VWA5B1: variants seen among roughly 807,000 people sequenced by gnomAD.
VWA5B1 encodes the protein von Willebrand factor A domain containing 5B1.
A neutral mutation model predicts 118.2 loss-of-function variants in VWA5B1; 115 were observed. The ratio of observed to expected loss-of-function variants is 0.97; its 90% CI spans 0.84 to 1.14. The LOEUF (loss-of-function observed/expected upper bound fraction) is 1.14, where lower values mean the gene tolerates loss of function less well. VWA5B1 is among the 50% of genes most tolerant of loss of function. The pLI, the probability that VWA5B1 is intolerant of heterozygous loss-of-function variation, is 0.00. For synonymous variants in VWA5B1, 682 were observed against 658.4 expected (o/e 1.04, Z -0.55); for missense variants, 1,596 against 1,603.8 (o/e 1.00, Z 0.08).
At chr1:20,292,084 CT>C (rs1557822521) in intron 1 of VWA5B1, among the ~76,000 whole-genome samples, 1 of 152,060 alleles carries the variant, frequency 6.6e-6, no homozygotes, top group South Asian at 2.1e-4. Context: ...TTCTCTCTTT[CT>C]TTTTTCTTTT....
At chr1:20,315,659 A>T (rs963489627) in intron 4 of VWA5B1, among the ~76,000 whole-genome samples, 3 of 152,224 alleles carry the variant, frequency 2.0e-5, no homozygotes, top group Non-Finnish European at 4.4e-5. Flanking sequence ...GGAGAGTCAC[A>T]AGTGCAAAGG....
chr1:20,307,977 C>T (rs937435305), intron 1 of VWA5B1, among the ~76,000 whole-genome samples: 1 of 151,778 alleles, frequency 6.6e-6, no homozygotes, highest in African/African-American at 2.4e-5. Flanking sequence ...TCCCGTCACC[C>T]AGGTAGTTAG....
rs2090141790 is a variant in VWA5B1 at position 20,352,125 on chromosome 1, GC to G, written c.3095del (p.Ala1032ValfsTer186). The stretch of plus-strand genomic sequence containing the variant: ...CTTCCTGAGCAAGCCACTGATCAAA[GC>G]TGTGGAGTCGACCTCCGGGAACCAG... ...KGFLSKPLIK[A>X]VESTSGNQSF... On this transcript the variant is annotated frameshift_variant, in exon 21 of 22. Transcript: ENST00000289815. LOFTEE classifies it low-confidence loss of function (END_TRUNC). 1.3e-6 allele frequency: 2 copies of G among 1,551,478 alleles called. No individual in the cohort carries two copies. The highest frequency in any genetic ancestry group is 1.4e-5 in the African/African-American group (1 of 73,158).
At chr1:20,322,402 A>AAGGGG (rs1371547242) in intron 7 of VWA5B1, among the ~76,000 whole-genome samples, 2 of 152,118 alleles carry the variant, frequency 1.3e-5, no homozygotes, top group Non-Finnish European at 2.9e-5. Context: ...ATTCTGTGTG[A>AAGGGG]AGGGGAGGGG....
rs1044888186 is a variant in VWA5B1, at chr1:20,330,971, G to T, written c.1560G>T (p.Arg520=). 6.5e-7 allele frequency: 1 copy of T among 1,548,392 alleles called. No homozygotes were observed. The highest frequency in any genetic ancestry group is 1.4e-5 in the African/African-American group (1 of 72,986). Residue 520 remains arginine (R), a synonymous_variant, in exon 11 of 22, where the codon CGG becomes CGT. Transcript: ENST00000289815. ...CTGAGCTCCTGATGGAGGGGGAGCG[G>T]CTGCAACCCAAGGTAGGCAGCAGAA... ...GSAELLMEGE[R]LQPKMVKSLK...
intron 12 of VWA5B1, among the ~76,000 whole-genome samples, chr1:20,334,626 C>G (rs2089663287): frequency 6.6e-6 from 1 of 152,076 alleles, no homozygotes; most frequent in African/African-American, 2.4e-5. Flanking sequence ...GCCTGGCCAA[C>G]ATGGTGAAAC....
chr1:20,294,761 G>A (rs147125102), intron 1 of VWA5B1, among the ~76,000 whole-genome samples: 2,281 of 152,028 alleles, frequency 0.015, 65 homozygotes, highest in African/African-American at 0.052. Flanking sequence ...GGCTAATTTT[G>A]TATTTTTAGT....
At chr1:20,308,128 T>C (rs894011231) in intron 1 of VWA5B1, among the ~76,000 whole-genome samples, 1 of 151,846 alleles carries the variant, frequency 6.6e-6, no homozygotes, top group Non-Finnish European at 1.5e-5. Context: ...GAACATGGGG[T>C]TTTTGGTTTT....
rs796413185 is a variant in VWA5B1, at chr1:20,359,111, G to A, written c.*4848G>A. Among the ~76,000 whole-genome samples, 7 of 152,310 alleles carry A rather than the reference G, an allele frequency of 4.6e-5. No individual in the cohort carries two copies. The highest frequency in any genetic ancestry group is 7.2e-5 in the African/African-American group (3 of 41,560). ...CCAGCCGTTTTGAGCTTACAGCCAC[G>A]TCCCAACGCAATGCGCCTCATCTCA... On this transcript the variant is annotated 3_prime_UTR_variant, in exon 22 of 22. Coordinates refer to ENST00000289815, the MANE Select transcript of VWA5B1 (RefSeq NM_001039500.3).
intron 1 of VWA5B1, among the ~76,000 whole-genome samples, chr1:20,299,114 TG>T (rs1396720264): frequency 6.6e-6 from 1 of 152,220 alleles, no homozygotes; most frequent in Non-Finnish European, 1.5e-5. Flanking sequence ...CTTAGCACAG[TG>T]CCTACGACCC....
chr1:20,323,614 A>G (rs1005979042), intron 8 of VWA5B1, 82 bp downstream of exon 8: 73 of 1,268,998 alleles, frequency 5.8e-5, no homozygotes, highest in Non-Finnish European at 6.9e-5. Context: ...CTTCCTCAGC[A>G]CTTTCTGTTC....
chr1:20,324,552 C>T (rs1160742255), intron 8 of VWA5B1, among the ~76,000 whole-genome samples: 3 of 152,122 alleles, frequency 2.0e-5, no homozygotes, highest in Non-Finnish European at 4.4e-5. Context: ...CATAAAAAGC[C>T]TTCTATCTCT....
At chr1:20,291,652 G>T (rs1293963262) in intron 1 of VWA5B1, among the ~76,000 whole-genome samples, 2 of 151,994 alleles carry the variant, frequency 1.3e-5, no homozygotes, top group Admixed American at 1.3e-4. Context: ...AGCTCTGCAG[G>T]GTGCCCACCC....
intron 9 of VWA5B1, among the ~76,000 whole-genome samples, chr1:20,329,842 C>T (rs1486381188): frequency 5.9e-5 from 9 of 152,202 alleles, no homozygotes; most frequent in Non-Finnish European, 1.2e-4. Flanking sequence ...TGCTCTTTCC[C>T]TCACACCACC....
At position 20,336,367 on chromosome 1, in the gene VWA5B1, C is replaced by A; in HGVS notation, c.1823C>A (p.Ser608Tyr). 6.5e-7 allele frequency: 1 copy of A among 1,528,702 alleles called. No homozygotes were observed. The highest frequency in any genetic ancestry group is 8.8e-7 in the Non-Finnish European group (1 of 1,135,420). 94.7% of individuals were successfully genotyped at this position (1,528,702 alleles called of 1,614,324 possible). ...QESGSSVFYH[S>Y]QDDGPGLEGG... ...TCTGGCAGCTCTGTCTTCTACCACT[C>A]TCAGGATGACGGACCCGGGCTGGAA... Residue 608 changes from serine (S) to tyrosine (Y), a missense_variant, in exon 13 of 22, where the codon TCT becomes TAT. Coordinates refer to ENST00000289815, the MANE Select transcript of VWA5B1 (RefSeq NM_001039500.3).
intron 1 of VWA5B1, among the ~76,000 whole-genome samples, chr1:20,310,353 A>C (rs2088809783): frequency 3.3e-5 from 5 of 152,186 alleles, no homozygotes; most frequent in Admixed American, 3.3e-4. Context: ...TTCAAGCCTC[A>C]GTTTCTCTAC....
chr1:20,320,620 G>A (rs925803246), intron 7 of VWA5B1, among the ~76,000 whole-genome samples: 5 of 152,278 alleles, frequency 3.3e-5, no homozygotes, highest in African/African-American at 1.2e-4. Flanking sequence ...GGGGATGGCG[G>A]AAGCAAATGA....
chr1:20,350,792 T>C, intron 19 of VWA5B1, 65 bp from the exon 20 acceptor site: 1 of 1,463,918 alleles, frequency 6.8e-7, no homozygotes, highest in Non-Finnish European at 9.4e-7. Flanking sequence ...TTCCCCCAGT[T>C]GGTCAGTGAG....
rs1445535059 is a variant in VWA5B1 at position 20,355,360 on chromosome 1, A to T, written c.*1097A>T. Among the ~76,000 whole-genome samples the T allele has an allele frequency of 6.6e-6, 1 of 152,176 alleles. No individual in the cohort carries two copies. Among genetic ancestry groups the T allele is most frequent in the Non-Finnish European group, 1.5e-5 (1 of 68,022 alleles). Reference sequence around the variant, plus strand: ...TTCCTGCCCTCAAGCCCACTGTGTGATGCCTACATGGGGAATGGCGTGCTG... The same window carrying T: ...TTCCTGCCCTCAAGCCCACTGTGTGTTGCCTACATGGGGAATGGCGTGCTG... On this transcript the variant is annotated 3_prime_UTR_variant, in exon 22 of 22. Coordinates refer to ENST00000289815, the MANE Select transcript of VWA5B1 (RefSeq NM_001039500.3).
Sources: allele counts gnomAD v4.1 joint callset (sites outside exome capture counted in the v4.1 genomes callset), GRCh38; gene constraint gnomAD v4.1.1; transcripts MANE v1.5; gene names NCBI Gene and HGNC (gene_info 2026-07-23, HGNC 2026-07-21).